Variants in CFAP69 observed in about 807,000 individuals in gnomAD.
CFAP69 encodes the protein cilia and flagella associated protein 69, also known as cilia- and flagella-associated protein 69.
CFAP69 carries 92 observed loss-of-function variants against 123.0 expected under a neutral mutation model. The observed-to-expected ratio is 0.75, with a 90% CI of 0.63 to 0.89. The LOEUF is 0.89. Ranked by LOEUF, CFAP69 falls within the 40% of genes least tolerant of loss-of-function variation. The probability of loss-of-function intolerance (pLI) is 0.00; values close to 1 mark genes in which losing one functional copy is unlikely to be tolerated. For synonymous variants in CFAP69, 380 were observed against 364.3 expected (o/e 1.04, Z -0.49); for missense variants, 1,067 against 1,096.9 (o/e 0.97, Z 0.39).
chr7:90,320,925 G>A, the CFAP69 span: 1 of 152,262 alleles, frequency 6.6e-6, no homozygotes, highest in African/African-American at 2.4e-5. Flanking sequence ...AGGTCACCTG[G>A]GCGCAGAAGA....
chr7:90,284,602 A>C (rs1562891371), intron 13 of CFAP69, among the ~76,000 whole-genome samples: 1 of 152,232 alleles, frequency 6.6e-6, no homozygotes, highest in Non-Finnish European at 1.5e-5. Flanking sequence ...TGAGTAGGAC[A>C]GAGTAAATGT....
chr7:90,271,482 T>A, intron 6 of CFAP69, 44 bp from the exon 7 acceptor site: 2 of 1,547,572 alleles, frequency 1.3e-6, no homozygotes, highest in Non-Finnish European at 1.8e-6. Flanking sequence ...TTAATGATCA[T>A]TCTGTGAGAT....
intron 15 of CFAP69, among the ~76,000 whole-genome samples, chr7:90,295,760 C>T (rs1791848684): frequency 1.3e-5 from 2 of 152,074 alleles, no homozygotes; most frequent in South Asian, 4.1e-4. Flanking sequence ...TCAGAGCAGC[C>T]CTAAGGACTG....
At chr7:90,309,558 T>TA (rs528638871) in intron 22 of CFAP69, among the ~76,000 whole-genome samples, 191 bp downstream of exon 22, 21 of 148,654 alleles carry the variant, frequency 1.4e-4, no homozygotes, top group African/African-American at 1.7e-4. Context: ...AAAAAATTAA[T>TA]AAAAAAAAAA....
rs1005606498 is a variant in CFAP69 at position 90,286,325 on chromosome 7, G to T, written c.1582G>T (p.Ala528Ser). 2.5e-6 allele frequency: 4 copies of T among 1,608,488 alleles called. No homozygotes were observed. The Admixed American group carries it at 5.0e-5, about 20-fold the overall frequency. ...IISKPNEKEEAIVLEIQSDIL... is the reference protein window; with the variant it reads ...IISKPNEKEESIVLEIQSDIL... The stretch of plus-strand genomic sequence containing the variant: ...AAGCAAGCCTAATGAAAAGGAAGAA[G>T]CCATTGTTTTGGAAATCCAGTCTGA... The change falls in exon 14 of 23, where the codon GCC becomes TCC. Residue 528 changes from alanine to serine, a missense_variant. By Grantham distance (99) the Ala-to-Ser change is moderately conservative. Transcript: ENST00000389297.
At position 90,304,589 on chromosome 7, in the gene CFAP69, T is replaced by A. The variant is rs1584542078; in HGVS notation, c.2189-155T>A. The A allele has an allele frequency of 2.1e-5, 29 of 1,394,604 alleles. No homozygotes were observed. In the East Asian group the frequency reaches 7.5e-4, roughly 36 times the overall value. 86.4% of individuals were successfully genotyped at this position (1,394,604 alleles called of 1,614,324 possible). A position where few individuals can be genotyped will look rare whatever the true frequency, so the allele number is the denominator to read the frequency against. On this transcript the variant is annotated intron_variant, in intron 18 of 22. Coordinates refer to ENST00000389297, the MANE Select transcript of CFAP69 (RefSeq NM_001039706.3). ...CTCACAAGCTACTCACAGAATTAACTTTTTCATAAATCAAGATGAAATCAA... is the reference window on the plus strand; with the variant it reads ...CTCACAAGCTACTCACAGAATTAACATTTTCATAAATCAAGATGAAATCAA...
chr7:90,293,295 AC>A (rs1334869426), intron 15 of CFAP69, among the ~76,000 whole-genome samples: 1 of 152,168 alleles, frequency 6.6e-6, no homozygotes, highest in Non-Finnish European at 1.5e-5. Flanking sequence ...AGACATATCT[AC>A]CCAATTTTAA....
chr7:90,291,379 T>C (rs1791167915), intron 15 of CFAP69, among the ~76,000 whole-genome samples: 1 of 152,164 alleles, frequency 6.6e-6, no homozygotes, highest in African/African-American at 2.4e-5. Context: ...AGGTTATTTG[T>C]GTCAGCATAT....
the CFAP69 span, among the ~76,000 whole-genome samples, chr7:90,323,124 G>A: frequency 2.0e-5 from 3 of 152,046 alleles, no homozygotes; most frequent in Non-Finnish European, 4.4e-5. Flanking sequence ...AAGAAAACTG[G>A]CATTATCTGT....
At chr7:90,260,043 C>A (rs1008207811) in intron 3 of CFAP69, among the ~76,000 whole-genome samples, 2 of 152,146 alleles carry the variant, frequency 1.3e-5, no homozygotes, top group Non-Finnish European at 2.9e-5. Context: ...TGCAGCCCAA[C>A]ACAAATTTGT....
intron 4 of CFAP69, among the ~76,000 whole-genome samples, chr7:90,262,996 C>A (rs987911749): frequency 2.6e-5 from 4 of 152,014 alleles, no homozygotes; most frequent in African/African-American, 9.7e-5. Context: ...AATGGTTGCT[C>A]TGGTGTTTTC....
chr7:90,271,440 T>A, intron 6 of CFAP69, 86 bp from the exon 7 acceptor site: 1 of 1,394,096 alleles, frequency 7.2e-7, no homozygotes, highest in South Asian at 1.4e-5. Flanking sequence ...TTTCTTGCTG[T>A]TGCTTAATAA....
chr7:90,258,064 G>C, intron 2 of CFAP69, 34 bp from the exon 3 acceptor site: 1 of 1,519,222 alleles, frequency 6.6e-7, no homozygotes, highest in African/African-American at 1.4e-5. Context: ...AGATTTAAAA[G>C]CACAAAAGAA....
rs1313404182 is a variant in CFAP69, at chr7:90,307,070, T to C, written c.2435T>C (p.Met812Thr). 8.7e-6 allele frequency: 14 copies of C among 1,611,234 alleles called. No homozygotes were observed. The highest frequency in any genetic ancestry group is 3.3e-5 in the South Asian group (3 of 90,480). ...DIIESQACQD[M>T]QNEQKVYAKI... ...ATTGAAAGCCAAGCATGCCAAGACA[T>C]GCAAAATGAACAAAAAGTATATGCA... The change falls in exon 20 of 23, where the codon ATG becomes ACG. Residue 812 changes from methionine (M) to threonine (T), a missense_variant. Coordinates refer to ENST00000389297, the MANE Select transcript of CFAP69 (RefSeq NM_001039706.3).
At chr7:90,316,823 T>C in the CFAP69 span, 15 of 152,206 alleles carry the variant, frequency 9.9e-5, no homozygotes, top group African/African-American at 3.1e-4. Flanking sequence ...ACTGGAAGAC[T>C]AATTTTATTG....
intron 17 of CFAP69, chr7:90,300,644 C>CTTTTTTTTTTTTTTTTTT (rs988514800): frequency 1.3e-5 from 1 of 79,692 alleles, no homozygotes; most frequent in African/African-American, 6.0e-5. Context: ...ACATTTTTTT[C>CTTTTTTTTTTTTTTTTTT]TTTTTTTTTT....
intron 15 of CFAP69, among the ~76,000 whole-genome samples, chr7:90,288,858 A>G (rs1188466246): frequency 6.6e-6 from 1 of 150,524 alleles, no homozygotes; most frequent in Non-Finnish European, 1.5e-5. Context: ...TTCTTTTCTC[A>G]ATAAATTAAC....
chr7:90,285,670 T>C (rs1282351860), intron 13 of CFAP69, among the ~76,000 whole-genome samples: 2 of 152,174 alleles, frequency 1.3e-5, no homozygotes, highest in Non-Finnish European at 2.9e-5. Flanking sequence ...TTGCTTAGAA[T>C]TGACCCTGTT....
chr7:90,296,205 T>C (rs1395070675), intron 15 of CFAP69, among the ~76,000 whole-genome samples: 1 of 152,162 alleles, frequency 6.6e-6, no homozygotes, highest in African/African-American at 2.4e-5. Flanking sequence ...AATTATCCAA[T>C]GTTTAAAGTG....
Sources: gnomAD v4.1 joint callset for allele counts (sites outside exome capture counted in the v4.1 genomes callset) on GRCh38, gnomAD v4.1.1 for gene constraint, MANE v1.5 for transcripts, NCBI Gene and HGNC (gene_info 2026-07-23, HGNC 2026-07-21) for gene names.